Variants in ATRN observed in about 807,000 individuals in gnomAD.
ATRN encodes the protein attractin-2.
ATRN carries 54 observed loss-of-function variants against 178.7 expected under a neutral mutation model. The observed-to-expected ratio is 0.30, with a 90% CI of 0.24 to 0.38. ATRN has a LOEUF of 0.38. Ranked by LOEUF, ATRN falls within the 10% of genes least tolerant of loss-of-function variation. ATRN has a pLI of 1.00. For synonymous variants in ATRN, 636 were observed against 663.0 expected (o/e 0.96, Z 0.63); for missense variants, 1,443 against 1,815.1 (o/e 0.79, Z 3.73).
chr20:3,576,675 A>C (rs62206466), intron 13 of ATRN, among the ~76,000 whole-genome samples, 184 bp from the exon 14 acceptor site: 1 of 58,580 alleles, frequency 1.7e-5, no homozygotes, highest in Admixed American at 2.0e-4. Flanking sequence ...CAACTTATCT[A>C]TCTATCTGTC....
At chr20:3,594,342 C>T (rs186834731) in intron 19 of ATRN, 137 bp from the exon 20 acceptor site, 143 of 554,488 alleles carry the variant, frequency 2.6e-4, no homozygotes, top group Non-Finnish European at 4.1e-4. Context: ...ATGAATCTTA[C>T]CCATTGAATG....
intron 1 of ATRN, among the ~76,000 whole-genome samples, chr20:3,506,754 C>G (rs1282618398): frequency 6.6e-6 from 1 of 151,732 alleles, no homozygotes; most frequent in Non-Finnish European, 1.5e-5. Context: ...ATCAGAAATA[C>G]ACTTTAAAAT....
intron 6 of ATRN, among the ~76,000 whole-genome samples, chr20:3,554,182 G>T (rs2085829124): frequency 6.6e-6 from 1 of 151,648 alleles, no homozygotes; most frequent in African/African-American, 2.4e-5. Context: ...ATCAAAACAT[G>T]ATTTTCTACA....
chr20:3,481,563 C>T (rs1163734693), intron 1 of ATRN, among the ~76,000 whole-genome samples: 1 of 152,104 alleles, frequency 6.6e-6, no homozygotes, highest in African/African-American at 2.4e-5. Context: ...CCAGGCTGAT[C>T]TCGAACTCCT....
At chr20:3,535,684 T>G (rs374617084) in intron 2 of ATRN, among the ~76,000 whole-genome samples, 2 of 151,826 alleles carry the variant, frequency 1.3e-5, no homozygotes, top group African/African-American at 4.8e-5. Context: ...CAGGCTGGAG[T>G]GCAGTGGCGT....
At chr20:3,494,388 A>G (rs998408851) in intron 1 of ATRN, among the ~76,000 whole-genome samples, 2 of 152,114 alleles carry the variant, frequency 1.3e-5, no homozygotes, top group Non-Finnish European at 2.9e-5. Context: ...TTTTGACATG[A>G]TCAGATTGCC....
chr20:3,475,650 A>G (rs1452785226), intron 1 of ATRN, among the ~76,000 whole-genome samples: 1 of 152,234 alleles, frequency 6.6e-6, no homozygotes, highest in Admixed American at 6.5e-5. Context: ...AAATATGCCC[A>G]TAGGATAAAT....
intron 24 of ATRN, among the ~76,000 whole-genome samples, chr20:3,609,842 T>G (rs2086738079): frequency 6.6e-6 from 1 of 151,916 alleles, no homozygotes; most frequent in Admixed American, 6.6e-5. Context: ...CTAAGTGAAA[T>G]AAGCTAGTTG....
intron 11 of ATRN, among the ~76,000 whole-genome samples, chr20:3,572,055 A>T (rs1280260965): frequency 6.6e-6 from 1 of 152,158 alleles, no homozygotes; most frequent in Non-Finnish European, 1.5e-5. Context: ...CCATTTACTA[A>T]AAAGAACATC....
intron 1 of ATRN, among the ~76,000 whole-genome samples, chr20:3,508,997 G>T (rs575363784): frequency 6.6e-6 from 1 of 152,088 alleles, no homozygotes; most frequent in East Asian, 1.9e-4. Flanking sequence ...ATAGTAAAAG[G>T]ATGCATAACA....
Position 3,604,177 on chromosome 20 carries a change from C to G in ATRN, c.3716C>G (p.Ser1239Cys). The change falls in exon 24 of 29, where the codon TCT (serine) becomes TGT (cysteine). Residue 1239 changes from serine (S) to cysteine (C), a missense_variant. Coordinates refer to ENST00000262919, the MANE Select transcript of ATRN (RefSeq NM_139321.3). ...ATTAAGGAGTACAAAGATAGTTTCT[C>G]TAATGAGAAGTTTGATTTTCGCAAC... ...TNIKEYKDSF[S>C]NEKFDFRNHP... is the part of the protein sequence containing the mutation. The G allele has an allele frequency of 6.2e-7, 1 of 1,613,400 alleles. No homozygotes were observed. Among genetic ancestry groups the G allele is most frequent in the Non-Finnish European group, 8.5e-7 (1 of 1,179,758 alleles).
At position 3,565,374 on chromosome 20, in the gene ATRN, A is replaced by G. The variant is rs750962662; in HGVS notation, c.1813A>G (p.Arg605Gly). ...CTGTGACCGCTGGTCAGTGCTTCCC[A>G]GACCTGATCTCCACCATGATGTCAA... The part of the protein sequence containing the change: ...IACDRWSVLP[R>G]PDLHHDVNRF... Residue 605 changes from arginine (R) to glycine (G), a missense_variant, in exon 11 of 29, where the codon AGA becomes GGA. Arg to Gly is a moderately radical substitution (Grantham distance 125). This residue lies in a region of ATRN where 862 missense variants were observed against 972.1 expected (regional missense o/e 0.89). Transcript: ENST00000262919. 5 of 1,614,080 alleles carry G rather than the reference A, an allele frequency of 3.1e-6. No individual in the cohort carries two copies. The highest frequency in any genetic ancestry group is 4.2e-6 in the Non-Finnish European group (5 of 1,179,970).
chr20:3,549,081 A>AT, intron 5 of ATRN, 89 bp from the exon 6 acceptor site: 1 of 1,082,178 alleles, frequency 9.2e-7, no homozygotes, highest in Non-Finnish European at 1.3e-6. Flanking sequence ...TATTATTTAA[A>AT]TATTTGTTAC....
chr20:3,485,196 C>T (rs1212003994), intron 1 of ATRN, among the ~76,000 whole-genome samples: 1 of 152,076 alleles, frequency 6.6e-6, no homozygotes, highest in Non-Finnish European at 1.5e-5. Flanking sequence ...TCTATGAATC[C>T]TTCCTAAGCT....
chr20:3,566,316 C>T (rs977939045), intron 11 of ATRN, among the ~76,000 whole-genome samples: 6 of 152,108 alleles, frequency 3.9e-5, no homozygotes, highest in African/African-American at 1.4e-4. Context: ...AAAAATCGGC[C>T]CTTGGAGAAG....
chr20:3,616,510 G>A (rs1049055707), intron 24 of ATRN, among the ~76,000 whole-genome samples: 27 of 151,836 alleles, frequency 1.8e-4, no homozygotes, highest in Non-Finnish European at 2.8e-4. Flanking sequence ...GGGGGTGTTC[G>A]TGGTGGGGAA....
intron 1 of ATRN, among the ~76,000 whole-genome samples, chr20:3,525,298 G>T (rs1482235728): frequency 6.6e-6 from 1 of 152,138 alleles, no homozygotes; most frequent in Non-Finnish European, 1.5e-5. Context: ...AGAAAATCTA[G>T]AAGAAATGGA....
chr20:3,565,394 T>C lies in ATRN; in HGVS notation c.1833T>C (p.Asp611=). The C allele has an allele frequency of 6.2e-7, 1 of 1,614,158 alleles. No individual in the cohort carries two copies. The highest frequency in any genetic ancestry group is 8.5e-7 in the Non-Finnish European group (1 of 1,180,012). The change falls in exon 11 of 29, where the codon GAT becomes GAC. Residue 611 remains aspartate, a synonymous_variant. Transcript: ENST00000262919. ...TTCCCAGACCTGATCTCCACCATGATGTCAACAGATTTGGCCATTCAGCAG... is the reference window on the plus strand; with the variant it reads ...TTCCCAGACCTGATCTCCACCATGACGTCAACAGATTTGGCCATTCAGCAG... ...SVLPRPDLHH[D]VNRFGHSAVL...
rs2087128353 is a variant in ATRN, at chr20:3,649,184, G to A, written c.*2337G>A. 6.6e-6 allele frequency: 1 copy of A among 152,400 alleles called. No individual in the cohort carries two copies. Among genetic ancestry groups the A allele is most frequent in the Admixed American group, 6.5e-5 (1 of 15,284 alleles). 9.4% of individuals were successfully genotyped at this position (152,400 alleles called of 1,614,324 possible). A position where few individuals can be genotyped will look rare whatever the true frequency, so the allele number is the denominator to read the frequency against. On this transcript the variant is annotated 3_prime_UTR_variant, in exon 29 of 29. Coordinates refer to ENST00000262919, the MANE Select transcript of ATRN (RefSeq NM_139321.3). The stretch of plus-strand genomic sequence containing the variant: ...AAAAGGGAATGGCAGGGAGTAAGAG[G>A]CGCTGGGCTCGGAGCCTGTTTCCAA...
Sources: gnomAD v4.1 joint callset for allele counts (sites outside exome capture counted in the v4.1 genomes callset) on GRCh38, gnomAD v4.1.1 for gene constraint, gnomAD v4.1.1 regional missense constraint, MANE v1.5 for transcripts, NCBI Gene and HGNC (gene_info 2026-07-23, HGNC 2026-07-21) for gene names.